STAT6: variants seen among roughly 807,000 people sequenced by gnomAD.
The protein encoded by STAT6 is signal transducer and activator of transcription 6.
A neutral mutation model predicts 106.3 loss-of-function variants in STAT6; 45 were observed. That is an observed-to-expected ratio of 0.42 (90% confidence interval 0.33 to 0.54). The LOEUF is 0.54. Among genes scored for constraint, STAT6 ranks in the 20% least tolerant of loss-of-function variants. STAT6 has a pLI of 0.06. For missense variants in STAT6, 797 were observed against 1,062.2 expected (o/e 0.75, Z 3.47); for synonymous variants, 413 against 413.6 (o/e 1.00, Z 0.02).
Position 57,104,456 on chromosome 12 carries a change from C to T in STAT6, c.1212+8G>A, listed in dbSNP as rs368870085. 5.7e-5 allele frequency: 91 copies of T among 1,603,998 alleles called. No individual in the cohort carries two copies. Among genetic ancestry groups the T allele is most frequent in the African/African-American group, 9.4e-5 (7 of 74,808 alleles). On this transcript the variant is annotated splice_region_variant and intron_variant, in intron 11 of 21. Coordinates refer to ENST00000300134, the MANE Select transcript of STAT6 (RefSeq NM_003153.5). ...CCCAGATTGGGGCAGGGCTGGGCCA[C>T]GGTTCACCTGGAGCTGGATGGGGAG...
At chr12:57,098,686 A>G in intron 18 of STAT6, 89 bp from the exon 19 acceptor site, 7 of 1,562,108 alleles carry the variant, frequency 4.5e-6, no homozygotes, top group Non-Finnish European at 6.1e-6. Context: ...TCTCATGGAA[A>G]GGAAGATTCC....
At chr12:57,105,434 G>C in intron 8 of STAT6, 34 bp downstream of exon 8, 1 of 1,613,548 alleles carries the variant, frequency 6.2e-7, no homozygotes, top group Non-Finnish European at 8.5e-7. Flanking sequence ...CCCGAGGTCT[G>C]TTCTAGGCCA....
intron 7 of STAT6, 62 bp from the exon 8 acceptor site, chr12:57,105,661 C>G: frequency 6.4e-7 from 1 of 1,569,868 alleles, no homozygotes; most frequent in South Asian, 1.2e-5. Context: ...GCCCAGACCC[C>G]CTTCCCCTAT....
chr12:57,100,678 A>AAGAG (rs1359785178), intron 13 of STAT6, among the ~76,000 whole-genome samples: 9 of 66,542 alleles, frequency 1.4e-4, no homozygotes, highest in South Asian at 4.4e-4. Flanking sequence ...GAAAGAAAGA[A>AAGAG]AGAAAGAAAG....
Position 57,107,599 on chromosome 12 carries a change from C to T in STAT6, c.255+6G>A. On this transcript the variant is annotated splice_donor_region_variant and intron_variant, in intron 3 of 21. Transcript: ENST00000300134. ...CCCAGCCTTGTCCCCTCCCCTCCTG[C>T]CCCACCTCAAGGGTGCTGATGTGTT... The T allele has an allele frequency of 6.2e-7, 1 of 1,613,588 alleles. No homozygotes were observed. Among genetic ancestry groups the T allele is most frequent in the Non-Finnish European group, 8.5e-7 (1 of 1,179,676 alleles).
Position 57,105,241 on chromosome 12 carries a change from G to A in STAT6, c.911C>T (p.Ala304Val). The A allele has an allele frequency of 6.2e-7, 1 of 1,614,062 alleles. No homozygotes were observed. Among genetic ancestry groups the A allele is most frequent in the Non-Finnish European group, 8.5e-7 (1 of 1,179,972 alleles). Residue 304 changes from alanine to valine, a missense_variant, in exon 9 of 22, where the codon GCC (alanine) becomes GTC (valine). Ala to Val is a moderately conservative substitution (Grantham distance 64). Transcript: ENST00000300134. ...CCTGACCAGCGGAGGCTTGGCTGGG[G>A]CCCCCAGGAACCTCAAGCCCAACAG... ...RFLLGLRFLG[A>V]PAKPPLVRAD...
chr12:57,099,235 C>A lies in STAT6; in HGVS notation c.1891+59G>T. ...CACGCGGGCAGGGAGAGGAGGGCAG[C>A]GGGGAGCAGGGAGGAAGTGGGTGAC... On this transcript the variant is annotated intron_variant, in intron 16 of 21. Transcript: ENST00000300134. This position sits in a 1 kb window ranked among gnomAD's most constrained non-coding sequence, Gnocchi z 4.7. 2 of 1,609,138 alleles carry A rather than the reference C, an allele frequency of 1.2e-6. No individual in the cohort carries two copies. The highest frequency in any genetic ancestry group is 1.7e-6 in the Non-Finnish European group (2 of 1,176,340).
chr12:57,098,522 C>T lies in STAT6; in HGVS notation c.2142G>A (p.Val714=), dbSNP rs2033598819. 1 of 1,614,082 alleles carries T rather than the reference C, an allele frequency of 6.2e-7. No homozygotes were observed. Among genetic ancestry groups the T allele is most frequent in the South Asian group, 1.1e-5 (1 of 91,090 alleles). Residue 714 remains valine (V), a synonymous_variant, in exon 19 of 22, where the codon GTG becomes GTA. Coordinates refer to ENST00000300134, the MANE Select transcript of STAT6 (RefSeq NM_003153.5). The stretch of plus-strand genomic sequence containing the variant: ...TCACTTACTCCTGGAAGGCTGACAA[C>T]ACGTTGACTGATTCTTCTGGGGAGA... ...QGLSPEESVN[V]LSAFQEPHLQ... is the part of the protein sequence containing the mutation.
Position 57,102,798 on chromosome 12 carries a change from CT to C in STAT6, c.1305+30del, listed in dbSNP as rs2034019414. The C allele has an allele frequency of 6.3e-6, 10 of 1,580,066 alleles. No homozygotes were observed. In the East Asian group the frequency reaches 2.2e-4, roughly 35 times the overall value. On this transcript the variant is annotated intron_variant, in intron 12 of 21. Coordinates refer to ENST00000300134, the MANE Select transcript of STAT6 (RefSeq NM_003153.5). ...GCCCATGTTAGAACCCACCCTGCCC[CT>C]GTTCCCTCCAACTCCAGGACTTTCC...
rs749244007 is a variant in STAT6 at position 57,099,372 on chromosome 12, G to A, written c.1813C>T (p.Arg605Ter). 3.1e-6 allele frequency: 5 copies of A among 1,614,020 alleles called. No homozygotes were observed. Among genetic ancestry groups the A allele is most frequent in the Non-Finnish European group, 2.5e-6 (3 of 1,180,036 alleles). Residue 605 changes from arginine to a stop codon, truncating the protein, a stop_gained, in exon 16 of 22, where the codon CGA (arginine) becomes TGA (stop). Transcript: ENST00000300134. LOFTEE classifies it high-confidence loss of function. The surrounding 1 kb of genome is among the most constrained non-coding windows in gnomAD (Gnocchi z 4.7). ...TTGAGCTGAGCAAGATCCCGGATTCGGTCCCCCAGTGAGCGAATGGACAGG... is the reference window on the plus strand; with the variant it reads ...TTGAGCTGAGCAAGATCCCGGATTCAGTCCCCCAGTGAGCGAATGGACAGG... ...KDLSIRSLGD[R>*]IRDLAQLKNL...
intron 18 of STAT6, 38 bp from the exon 19 acceptor site, chr12:57,098,635 C>T: frequency 6.2e-7 from 1 of 1,600,918 alleles, no homozygotes; most frequent in Non-Finnish European, 8.5e-7. Flanking sequence ...GCCAGCCCTT[C>T]TCCTGGACAC....
chr12:57,102,813 C>CCAGGACT lies in STAT6; in HGVS notation c.1305+9_1305+15dup. 3 of 1,608,564 alleles carry CCAGGACT rather than the reference C, an allele frequency of 1.9e-6. No homozygotes were observed. Among genetic ancestry groups the CCAGGACT allele is most frequent in the Non-Finnish European group, 2.6e-6 (3 of 1,175,248 alleles). The stretch of plus-strand genomic sequence containing the variant: ...CACCCTGCCCCTGTTCCCTCCAACT[C>CCAGGACT]CAGGACTTTCCTCACCATCTCAGAG... On this transcript the variant is annotated intron_variant, in intron 12 of 21. Coordinates refer to ENST00000300134, the MANE Select transcript of STAT6 (RefSeq NM_003153.5).
chr12:57,105,322 T>C lies in STAT6; in HGVS notation c.830A>G (p.Lys277Arg), dbSNP rs1462100574. Residue 277 changes from lysine to arginine, a missense_variant, in exon 9 of 22, where the codon AAG (lysine) becomes AGG (arginine). Transcript: ENST00000300134. The stretch of plus-strand genomic sequence containing the variant: ...AGTCTTCAGTACCTGGGGGGGCTGC[T>C]TCTCCACCAGGAAGCAACTGGGAGT... ...TLVTSCFLVEKQPPQVLKTQT... is the reference protein window; with the variant it reads ...TLVTSCFLVERQPPQVLKTQT... The C allele has an allele frequency of 6.2e-7, 1 of 1,614,046 alleles. No individual in the cohort carries two copies. The highest frequency in any genetic ancestry group is 1.1e-5 in the South Asian group (1 of 91,084).
Position 57,096,611 on chromosome 12 carries a change from T to A in STAT6, c.2505A>T (p.Ser835=). ...TGGCCCTTAGGTCCATGTGGGACATTGAGATCCCAGATTGCCCATAGTGGG... is the reference window on the plus strand; with the variant it reads ...TGGCCCTTAGGTCCATGTGGGACATAGAGATCCCAGATTGCCCATAGTGGG... ...QPSHYGQSGI[S]MSHMDLRANP... Residue 835 remains serine, a synonymous_variant, in exon 22 of 22, where the codon TCA becomes TCT. Coordinates refer to ENST00000300134, the MANE Select transcript of STAT6 (RefSeq NM_003153.5). The A allele has an allele frequency of 6.2e-7, 1 of 1,607,010 alleles. No individual in the cohort carries two copies. The highest frequency in any genetic ancestry group is 8.5e-7 in the Non-Finnish European group (1 of 1,177,512).
Position 57,098,536 on chromosome 12 carries a change from C to G in STAT6, c.2128G>C (p.Glu710Gln), listed in dbSNP as rs1461765077. The G allele has an allele frequency of 1.9e-6, 3 of 1,614,084 alleles. No individual in the cohort carries two copies. The highest frequency in any genetic ancestry group is 1.7e-6 in the Non-Finnish European group (2 of 1,180,056). The change falls in exon 19 of 22, where the codon GAA becomes CAA. Residue 710 changes from glutamate to glutamine, a missense_variant. Glu to Gln is a conservative substitution (Grantham distance 29, BLOSUM62 2). Transcript: ENST00000300134. ...IPPYQGLSPE[E>Q]SVNVLSAFQE... ...AAGGCTGACAACACGTTGACTGATT[C>G]TTCTGGGGAGAGGCCTTGATACGGG... is the stretch of plus-strand genomic sequence containing the variant.
chr12:57,098,525 G>A lies in STAT6; in HGVS notation c.2139C>T (p.Asn713=), dbSNP rs12314983. The A allele has an allele frequency of 8.1e-4, 1,312 of 1,614,190 alleles. 7 individuals carry two copies. In the African/African-American group the frequency reaches 0.015, roughly 19 times the overall value. Residue 713 remains asparagine (N), a synonymous_variant, in exon 19 of 22, where the codon AAC becomes AAT. Transcript: ENST00000300134. The part of the protein sequence containing the change: ...YQGLSPEESV[N]VLSAFQEPHL... ...CTTACTCCTGGAAGGCTGACAACAC[G>A]TTGACTGATTCTTCTGGGGAGAGGC...
Position 57,105,110 on chromosome 12 carries a change from C to T in STAT6, c.1001+41G>A, listed in dbSNP as rs756523716. The T allele has an allele frequency of 6.3e-6, 10 of 1,579,434 alleles. No individual in the cohort carries two copies. In the South Asian group the frequency reaches 1.0e-4, roughly 16 times the overall value. ...AGCCCTCCAGGCTGCCTCCATCACC[C>T]TAACAGCCCTTCTCCAACCCCAGGT... On this transcript the variant is annotated intron_variant, in intron 9 of 21. Coordinates refer to ENST00000300134, the MANE Select transcript of STAT6 (RefSeq NM_003153.5).
At chr12:57,109,757 G>T (rs902652480) in intron 1 of STAT6, among the ~76,000 whole-genome samples, 4 of 151,996 alleles carry the variant, frequency 2.6e-5, no homozygotes, top group African/African-American at 9.7e-5. Flanking sequence ...TAGAAGAGGG[G>T]GTTGCATCCC....
chr12:57,100,010 G>A lies in STAT6; in HGVS notation c.1593C>T (p.Ser531=), dbSNP rs1218247114. The A allele has an allele frequency of 1.9e-6, 3 of 1,613,638 alleles. No homozygotes were observed. The highest frequency in any genetic ancestry group is 2.5e-6 in the Non-Finnish European group (3 of 1,179,798). Residue 531 remains serine, a synonymous_variant, in exon 14 of 22, where the codon AGC becomes AGT. Transcript: ENST00000300134. ...VLDLTKRCLR[S]YWSDRLIIGF... Reference sequence around the variant, plus strand: ...TGGGGACTCACCGGTCAGACCAGTAGCTCCGGAGACAGCGTTTGGTGAGGT... The same window carrying A: ...TGGGGACTCACCGGTCAGACCAGTAACTCCGGAGACAGCGTTTGGTGAGGT...
Sources: allele counts gnomAD v4.1 joint callset (sites outside exome capture counted in the v4.1 genomes callset), GRCh38; gene constraint gnomAD v4.1.1; non-coding constraint Gnocchi (gnomAD v3.1); transcripts MANE v1.5; gene names NCBI Gene and HGNC (gene_info 2026-07-23, HGNC 2026-07-21).